Variants in DOCK8 observed in about 807,000 individuals in gnomAD.
The protein encoded by DOCK8 is dedicator of cytokinesis 8, also known as dedicator of cytokinesis protein 8.
DOCK8 carries 141 observed loss-of-function variants against 245.6 expected under a neutral mutation model. That is an observed-to-expected ratio of 0.57 (90% CI 0.50 to 0.66). DOCK8 has a LOEUF of 0.66. Among genes scored for constraint, DOCK8 ranks in the 30% least tolerant of loss-of-function variants. The pLI is 0.00. For missense variants in DOCK8, 2,965 were observed against 2,603.4 expected (o/e 1.14, Z -3.02); for synonymous variants, 1,168 against 970.2 (o/e 1.20, Z -3.79).
At position 403,980 on chromosome 9, in the gene DOCK8, A is replaced by C. The variant is rs1320600862; in HGVS notation, c.3235-938A>C. On this transcript the variant is annotated intron_variant, in intron 26 of 47. Coordinates refer to ENST00000432829, the MANE Select transcript of DOCK8 (RefSeq NM_203447.4). ...TATATGTATATATATATATATGTGTATATATATATATGTGTATATATATAT... is the reference window on the plus strand; with the variant it reads ...TATATGTATATATATATATATGTGTCTATATATATATGTGTATATATATAT... 4.2e-4 allele frequency among the ~76,000 whole-genome samples: 33 copies of C among 78,086 alleles called. 1 individual carries two copies. The highest frequency in any genetic ancestry group is 2.5e-3 in the East Asian group (6 of 2,368). The allele number at this position is 78,086 out of a possible 152,430, so 51.2% of individuals were successfully genotyped here.
intron 24 of DOCK8, among the ~76,000 whole-genome samples, chr9:396,082 C>A (rs1419876467): frequency 6.6e-6 from 1 of 151,986 alleles, no homozygotes; most frequent in Non-Finnish European, 1.5e-5. Flanking sequence ...CATTTGGTGA[C>A]TGTCTGCATT....
chr9:218,031 T>G (rs1409135297), intron 1 of DOCK8, among the ~76,000 whole-genome samples: 1 of 152,204 alleles, frequency 6.6e-6, no homozygotes, highest in Admixed American at 6.5e-5. Context: ...GGCAAAGTGT[T>G]CTGTTTCTGA....
intron 7 of DOCK8, among the ~76,000 whole-genome samples, chr9:317,867 A>T (rs1563916751): frequency 6.6e-6 from 1 of 152,184 alleles, no homozygotes; most frequent in African/African-American, 2.4e-5. Flanking sequence ...TATAAACACC[A>T]TATAATTAAA....
rs1439477618 is a variant in DOCK8 at position 418,075 on chromosome 9, T to A, written c.3708T>A (p.Asp1236Glu). The A allele has an allele frequency of 1.2e-6, 2 of 1,614,112 alleles. No individual in the cohort carries two copies. The highest frequency in any genetic ancestry group is 2.7e-5 in the African/African-American group (2 of 74,946). The change falls in exon 30 of 48, where the codon GAT becomes GAA. Residue 1236 changes from aspartate to glutamate, a missense_variant. By Grantham distance (45) the Asp-to-Glu change is conservative. This residue lies in a region of DOCK8 where 2,825 missense variants were observed against 2,453.5 expected (regional missense o/e 1.15). Coordinates refer to ENST00000432829, the MANE Select transcript of DOCK8 (RefSeq NM_203447.4). ...LPQLCDFTVA[D>E]TRRYRTSGSD... is the part of the protein sequence containing the mutation. ...ACGATGTTTTCATTGCAGTTGCAGATACTCGCAGATACCGCACCAGTGGCT... is the reference window on the plus strand; with the variant it reads ...ACGATGTTTTCATTGCAGTTGCAGAAACTCGCAGATACCGCACCAGTGGCT...
rs546815596 is a variant in DOCK8 at position 323,041 on chromosome 9, C to T, written c.828-2630C>T. 3.4e-5 allele frequency among the ~76,000 whole-genome samples: 5 copies of T among 147,852 alleles called. No individual in the cohort carries two copies. In the South Asian group the frequency reaches 6.5e-4, roughly 19 times the overall value. ...CTGGGTGGCGGAGGTTGCAGTGAGC[C>T]GAGGTTGCACCATTGCACTCCACCC... On this transcript the variant is annotated intron_variant, in intron 7 of 47. Transcript: ENST00000432829.
At chr9:369,384 G>A (rs1175495920) in intron 15 of DOCK8, 1 of 152,296 alleles carries the variant, frequency 6.6e-6, no homozygotes, top group Non-Finnish European at 1.5e-5. Context: ...CATTCACTGA[G>A]CCATGGGTTC....
chr9:324,714 C>G (rs757842292), intron 7 of DOCK8, among the ~76,000 whole-genome samples: 50 of 152,258 alleles, frequency 3.3e-4, no homozygotes, highest in Admixed American at 5.2e-4. Context: ...CAAAACCCAG[C>G]CTTCTTCTGA....
chr9:250,685 C>T (rs1399077726), intron 1 of DOCK8, among the ~76,000 whole-genome samples: 1 of 152,180 alleles, frequency 6.6e-6, no homozygotes, highest in East Asian at 1.9e-4. Flanking sequence ...ATTCAAGAAA[C>T]TGAGGATGAT....
At chr9:327,438 G>A (rs927154373) in intron 8 of DOCK8, among the ~76,000 whole-genome samples, 2 of 147,148 alleles carry the variant, frequency 1.4e-5, no homozygotes, top group Admixed American at 1.4e-4. Flanking sequence ...CTGTTGCCCA[G>A]GCTGGCATGC....
intron 5 of DOCK8, among the ~76,000 whole-genome samples, chr9:311,418 C>CTTT (rs527490172): frequency 1.1e-4 from 15 of 139,226 alleles, no homozygotes; most frequent in South Asian, 4.8e-4. Context: ...CTAAGTTTTG[C>CTTT]TTTTTTTTTT....
intron 1 of DOCK8, among the ~76,000 whole-genome samples, chr9:259,037 T>G (rs1269064156): frequency 6.6e-6 from 1 of 151,586 alleles, no homozygotes. Flanking sequence ...TTGAGTGTGG[T>G]GGTTCATGCC....
chr9:451,878 TATATACATATATATGC>T (rs1564084913), intron 45 of DOCK8, 117 bp from the exon 46 acceptor site: 1 of 215,918 alleles, frequency 4.6e-6, no homozygotes, highest in Non-Finnish European at 8.1e-6. Context: ...TGTGTATATA[TATATACATATATATGC>T]ATATACATAT....
intron 14 of DOCK8, among the ~76,000 whole-genome samples, chr9:364,806 G>A (rs1291062871): frequency 2.0e-5 from 3 of 152,116 alleles, no homozygotes; most frequent in African/African-American, 7.2e-5. Flanking sequence ...TTGAAAAAAT[G>A]GGCACATATT....
At chr9:274,663 T>TA (rs1189310011) in intron 2 of DOCK8, among the ~76,000 whole-genome samples, 6 of 128,586 alleles carry the variant, frequency 4.7e-5, no homozygotes, top group Non-Finnish European at 1.0e-4. Context: ...CTTTTACCTT[T>TA]AAAAAAAAAT....
chr9:433,899 A>C lies in DOCK8; in HGVS notation c.4810A>C (p.Asn1604His). 6.2e-7 allele frequency: 1 copy of C among 1,614,116 alleles called. No individual in the cohort carries two copies. Among genetic ancestry groups the C allele is most frequent in the Non-Finnish European group, 8.5e-7 (1 of 1,179,970 alleles). Residue 1604 changes from asparagine (N) to histidine (H), a missense_variant, in exon 38 of 48, where the codon AAT becomes CAT. Transcript: ENST00000432829. ...GGTGGAGGAACTTCTCTGTAATCTG[A>C]ATAGCATCTTATATGACACAGTGAA... The part of the protein sequence containing the change: ...TQVEELLCNL[N>H]SILYDTVKMR...
intron 2 of DOCK8, chr9:277,125 A>G (rs1036699493): frequency 5.6e-6 from 1 of 177,270 alleles, no homozygotes; most frequent in Non-Finnish European, 1.3e-5. Context: ...CTGATTGTTC[A>G]AAGTAGAAGC....
intron 28 of DOCK8, among the ~76,000 whole-genome samples, chr9:413,817 C>T (rs562403149): frequency 7.0e-4 from 106 of 152,300 alleles, no homozygotes; most frequent in African/African-American, 2.4e-3. Context: ...GTGCAGCCAC[C>T]GTTGAAAACA....
At chr9:366,938 T>A (rs1215078704) in intron 14 of DOCK8, among the ~76,000 whole-genome samples, 1 of 152,168 alleles carries the variant, frequency 6.6e-6, no homozygotes, top group East Asian at 1.9e-4. Context: ...AGGGCTCTTA[T>A]CTGAGAGAAT....
chr9:369,332 C>G (rs1201047137), intron 15 of DOCK8: 2 of 152,232 alleles, frequency 1.3e-5, no homozygotes, highest in African/African-American at 2.4e-5. Context: ...AACCAAGATG[C>G]CCAGCCAAGA....
Sources: gnomAD v4.1 joint callset for allele counts (sites outside exome capture counted in the v4.1 genomes callset) on GRCh38, gnomAD v4.1.1 for gene constraint, gnomAD v4.1.1 regional missense constraint, MANE v1.5 for transcripts, NCBI Gene and HGNC (gene_info 2026-07-23, HGNC 2026-07-21) for gene names.